Variants in AKAP11 observed in about 807,000 individuals in gnomAD.
AKAP11 encodes the protein A-kinase anchor protein 11.
AKAP11 carries 36 observed loss-of-function variants against 146.1 expected under a neutral mutation model. The ratio of observed to expected loss-of-function variants is 0.25; its 90% CI spans 0.19 to 0.33. The LOEUF is 0.33. Among genes scored for constraint, AKAP11 ranks in the 10% least tolerant of loss-of-function variants. AKAP11 has a pLI of 1.00. For synonymous variants in AKAP11, 780 were observed against 786.5 expected (o/e 0.99, Z 0.14); for missense variants, 2,201 against 2,197.0 (o/e 1.00, Z -0.04).
chr13:42,317,406 T>C (rs1960872322), intron 11 of AKAP11, 122 bp from the exon 12 acceptor site: 2 of 1,026,908 alleles, frequency 1.9e-6, no homozygotes, highest in Non-Finnish European at 2.8e-6. Context: ...AAAAGATGGA[T>C]ATTTTTTTCA....
intron 11 of AKAP11, among the ~76,000 whole-genome samples, chr13:42,316,604 C>T (rs1420743505): frequency 6.6e-6 from 1 of 152,118 alleles, no homozygotes; most frequent in East Asian, 1.9e-4. Flanking sequence ...TGGCATTTCC[C>T]CCCACTTTTG....
At chr13:42,295,657 A>G (rs771473600) in intron 4 of AKAP11, 38 bp from the exon 5 acceptor site, 2 of 1,593,896 alleles carry the variant, frequency 1.3e-6, no homozygotes, top group East Asian at 4.5e-5. Context: ...AAGATTTAAA[A>G]ATTCAAATTA....
intron 11 of AKAP11, 24 bp downstream of exon 11, chr13:42,313,964 T>A (rs760143651): frequency 1.9e-6 from 3 of 1,612,142 alleles, no homozygotes; most frequent in Non-Finnish European, 2.5e-6. Flanking sequence ...TTTTTCAAAG[T>A]GTTGGCATGT....
chr13:42,298,490 T>A, intron 6 of AKAP11, 43 bp from the exon 7 acceptor site: 1 of 1,588,140 alleles, frequency 6.3e-7, no homozygotes, highest in Non-Finnish European at 8.6e-7. Flanking sequence ...TTGTTTTGTA[T>A]TTGAAATTAA....
At chr13:42,297,516 G>A (rs965957317) in intron 6 of AKAP11, among the ~76,000 whole-genome samples, 4 of 151,652 alleles carry the variant, frequency 2.6e-5, no homozygotes, top group African/African-American at 9.7e-5. Context: ...CCCTATTATG[G>A]CCAATTTCAA....
At chr13:42,304,357 A>G (rs1960141479) in intron 8 of AKAP11, among the ~76,000 whole-genome samples, 1 of 152,198 alleles carries the variant, frequency 6.6e-6, no homozygotes, top group Non-Finnish European at 1.5e-5. Flanking sequence ...TATCCATACT[A>G]CATGTGCTGT....
intron 1 of AKAP11, among the ~76,000 whole-genome samples, chr13:42,281,651 C>T (rs1959061432): frequency 6.6e-6 from 1 of 151,770 alleles, no homozygotes; most frequent in African/African-American, 2.4e-5. Flanking sequence ...ATGAAACACC[C>T]ATGATTGTAT....
intron 1 of AKAP11, among the ~76,000 whole-genome samples, chr13:42,283,752 ATTG>A (rs1253252047): frequency 6.6e-5 from 10 of 152,186 alleles, no homozygotes; most frequent in African/African-American, 2.4e-4. Flanking sequence ...TGCAAAGGTA[ATTG>A]TTGTTTCCTA....
At chr13:42,303,904 A>G (rs768278752) in intron 8 of AKAP11, 41 bp downstream of exon 8, 1 of 1,522,960 alleles carries the variant, frequency 6.6e-7, no homozygotes, top group Non-Finnish European at 8.8e-7. Context: ...GATAAATTAA[A>G]AAGATAAATG....
chr13:42,315,256 T>A (rs760212391), intron 11 of AKAP11, among the ~76,000 whole-genome samples: 12 of 152,224 alleles, frequency 7.9e-5, no homozygotes, highest in Non-Finnish European at 1.6e-4. Context: ...TATTATTTTT[T>A]AGTTTTAATG....
Position 42,317,634 on chromosome 13 carries a change from G to T in AKAP11, c.5511G>T (p.Glu1837Asp). The T allele has an allele frequency of 6.2e-7, 1 of 1,614,174 alleles. No homozygotes were observed. The change falls in exon 12 of 13, where the codon GAG (glutamate) becomes GAT (aspartate). Residue 1837 changes from glutamate (E) to aspartate (D), a missense_variant. Coordinates refer to ENST00000025301, the MANE Select transcript of AKAP11 (RefSeq NM_016248.4). ...TTCTTCAGTGGCTCATTGCCTCTGA[G>T]GCTGAAGTTGCAGAACTTTATTTTC... ...RIILQWLIAS[E>D]AEVAELYFHD...
At position 42,319,311 on chromosome 13, in the gene AKAP11, A is replaced by T. The variant is rs930821784; in HGVS notation, c.*83A>T. On this transcript the variant is annotated 3_prime_UTR_variant, in exon 13 of 13. Transcript: ENST00000025301. ...AAGATGTTTAGGATAAAATTTGAAT[A>T]GTGAATATTAACATCGTAAGTCAGT... 3 of 1,518,800 alleles carry T rather than the reference A, an allele frequency of 2.0e-6. No homozygotes were observed. Among genetic ancestry groups the T allele is most frequent in the Non-Finnish European group, 2.6e-6 (3 of 1,132,792 alleles). 94.1% of individuals were successfully genotyped at this position (1,518,800 alleles called of 1,614,324 possible). A position where few individuals can be genotyped will look rare whatever the true frequency, so the allele number is the denominator to read the frequency against.
intron 4 of AKAP11, 84 bp from the exon 5 acceptor site, chr13:42,295,611 G>GT (rs1959465540): frequency 1.5e-6 from 2 of 1,305,830 alleles, no homozygotes; most frequent in South Asian, 1.2e-5. Context: ...TGCTTTGTCT[G>GT]TTTTTTCCTG....
Position 42,320,862 on chromosome 13 carries a change from A to C in AKAP11, c.*1634A>C, listed in dbSNP as rs1961059830. On this transcript the variant is annotated 3_prime_UTR_variant, in exon 13 of 13. Coordinates refer to ENST00000025301, the MANE Select transcript of AKAP11 (RefSeq NM_016248.4). ...AGTGAAAGATTCAAATTTGCTTTTC[A>C]AGAAAAATGCCAAAAGCTATTTAAA... 2 of 152,372 alleles carry C rather than the reference A, an allele frequency of 1.3e-5. No homozygotes were observed. The allele number at this position is 152,372 out of a possible 1,614,324, so 9.4% of individuals were successfully genotyped here.
chr13:42,279,469 A>G (rs1959010540), intron 1 of AKAP11, among the ~76,000 whole-genome samples: 3 of 152,112 alleles, frequency 2.0e-5, no homozygotes, highest in Admixed American at 6.5e-5. Flanking sequence ...TTTCTTCTCT[A>G]GTTTAATCTG....
At chr13:42,311,360 C>T (rs905782911) in intron 9 of AKAP11, among the ~76,000 whole-genome samples, 2 of 152,176 alleles carry the variant, frequency 1.3e-5, no homozygotes, top group African/African-American at 2.4e-5. Context: ...TGGGTTAATA[C>T]AGGGTGATCA....
chr13:42,319,822 TTTCTATAAACACTATAA>T lies in AKAP11; in HGVS notation c.*595_*611del, dbSNP rs1555295162. 1.3e-5 allele frequency: 2 copies of T among 152,532 alleles called. No homozygotes were observed. The highest frequency in any genetic ancestry group is 2.9e-5 in the Non-Finnish European group (2 of 68,096). The allele number at this position is 152,532 out of a possible 1,614,324, so 9.4% of individuals were successfully genotyped here. A position where few individuals can be genotyped will look rare whatever the true frequency, so the allele number is the denominator to read the frequency against. ...TTAGCAGAAACATTAGTATTTTAGGTTTCTATAAACACTATAAGTGATAGTTTCCCCCATCCTTTCAT... is the reference window on the plus strand; with the variant it reads ...TTAGCAGAAACATTAGTATTTTAGGTGTGATAGTTTCCCCCATCCTTTCAT... On this transcript the variant is annotated 3_prime_UTR_variant, in exon 13 of 13. Coordinates refer to ENST00000025301, the MANE Select transcript of AKAP11 (RefSeq NM_016248.4).
At chr13:42,316,048 A>G (rs1274824473) in intron 11 of AKAP11, among the ~76,000 whole-genome samples, 1 of 152,164 alleles carries the variant, frequency 6.6e-6, no homozygotes, top group Non-Finnish European at 1.5e-5. Flanking sequence ...TGAACTCCTC[A>G]GGATTGCAGA....
Position 42,300,134 on chromosome 13 carries a change from C to G in AKAP11, c.1388C>G (p.Pro463Arg). 6.2e-7 allele frequency: 1 copy of G among 1,613,888 alleles called. No homozygotes were observed. Among genetic ancestry groups the G allele is most frequent in the Non-Finnish European group, 8.5e-7 (1 of 1,179,842 alleles). Reference protein sequence around the residue: ...SAFSPLGGCTPAECFCQTDIG... With the variant: ...SAFSPLGGCTRAECFCQTDIG... ...TTTAGTCCTCTTGGAGGCTGTACTCCAGCTGAATGTTTTTGCCAAACAGAT... is the reference window on the plus strand; with the variant it reads ...TTTAGTCCTCTTGGAGGCTGTACTCGAGCTGAATGTTTTTGCCAAACAGAT... Residue 463 changes from proline to arginine, a missense_variant, in exon 8 of 13, where the codon CCA (proline) becomes CGA (arginine). By Grantham distance (103) the Pro-to-Arg change is moderately radical. Around this residue, in one of 3 missense-constraint regions of AKAP11, gnomAD observed 1,867 missense variants for 1,833.5 expected, o/e 1.02. Transcript: ENST00000025301.
Sources: allele counts gnomAD v4.1 joint callset (sites outside exome capture counted in the v4.1 genomes callset), GRCh38; gene constraint gnomAD v4.1.1; regional missense constraint gnomAD v4.1.1; transcripts MANE v1.5; gene names NCBI Gene and HGNC (gene_info 2026-07-23, HGNC 2026-07-21).